Variants in LAMA2 observed in about 807,000 individuals in gnomAD.
The protein encoded by LAMA2 is laminin subunit alpha-2.
In LAMA2, 269 loss-of-function variants were observed where a neutral mutation model predicts 364.8. The observed-to-expected ratio is 0.74, with a 90% confidence interval of 0.67 to 0.82. The LOEUF is 0.82. Ranked by LOEUF, LAMA2 falls within the 40% of genes least tolerant of loss-of-function variation. The pLI is 0.00. For missense variants in LAMA2, 3,807 were observed against 3,873.2 expected, an observed-to-expected ratio of 0.98 and a Z score of 0.45; for synonymous variants, 1,379 against 1,370.6, an observed-to-expected ratio of 1.01 and a Z score of -0.14.
chr6:129,416,537 C>G, intron 40 of LAMA2, among the ~76,000 whole-genome samples: 1 of 152,094 alleles, frequency 6.6e-6, no homozygotes, highest in East Asian at 1.9e-4. Flanking sequence ...CTGGCCAGTT[C>G]CATCGCCCAG....
At position 129,297,685 on chromosome 6, in the gene LAMA2, G is replaced by C. The variant is rs757624702; in HGVS notation, c.2857G>C (p.Ala953Pro). 3.7e-6 allele frequency: 6 copies of C among 1,613,494 alleles called. No homozygotes were observed. Among genetic ancestry groups the C allele is most frequent in the South Asian group, 1.1e-5 (1 of 91,060 alleles). Residue 953 changes from alanine (A) to proline (P), a missense_variant and splice_region_variant, in exon 21 of 65, where the codon GCT (alanine) becomes CCT (proline). Ala to Pro is a conservative substitution (Grantham distance 27, BLOSUM62 -1). Around this residue, in one of 3 missense-constraint regions of LAMA2, gnomAD observed 3,333 missense variants for 3,345.7 expected, o/e 1.00. Transcript: ENST00000421865. Reference protein sequence around the residue: ...VQGQRCDKCKAGTFGLQSARG... With the variant: ...VQGQRCDKCKPGTFGLQSARG... Reference sequence around the variant, plus strand: ...TTTTTCTCTCCTCTTCCATTGCCAGGCTGGGACCTTTGGCCTACAATCAGC... The same window carrying C: ...TTTTTCTCTCCTCTTCCATTGCCAGCCTGGGACCTTTGGCCTACAATCAGC...
At chr6:128,922,017 G>A (rs922356603) in intron 1 of LAMA2, among the ~76,000 whole-genome samples, 1 of 151,894 alleles carries the variant, frequency 6.6e-6, no homozygotes, top group Non-Finnish European at 1.5e-5. Flanking sequence ...TTCATCCATG[G>A]CCCTACAAAG....
chr6:129,127,762 T>C (rs1777199932), intron 4 of LAMA2, among the ~76,000 whole-genome samples: 1 of 152,194 alleles, frequency 6.6e-6, no homozygotes. Context: ...ATTTCCCTAA[T>C]GATTAGTGAT....
At chr6:129,401,682 G>C (rs917369875) in intron 38 of LAMA2, among the ~76,000 whole-genome samples, 1 of 152,072 alleles carries the variant, frequency 6.6e-6, no homozygotes, top group Non-Finnish European at 1.5e-5. Context: ...TTACAAACAG[G>C]CTTTTAACAT....
intron 49 of LAMA2, among the ~76,000 whole-genome samples, chr6:129,462,758 G>A (rs957929806): frequency 4.6e-5 from 7 of 151,770 alleles, no homozygotes; most frequent in African/African-American, 1.7e-4. Flanking sequence ...TTGTTTGTTT[G>A]TTTGTTTATT....
intron 13 of LAMA2, among the ~76,000 whole-genome samples, chr6:129,250,498 T>G (rs184534127): frequency 6.7e-4 from 102 of 152,282 alleles, no homozygotes; most frequent in African/African-American, 2.5e-3. Flanking sequence ...TATGAAAGTG[T>G]TTAGGTACAT....
chr6:129,249,161 A>G (rs1158938221), intron 12 of LAMA2, among the ~76,000 whole-genome samples: 1 of 152,174 alleles, frequency 6.6e-6, no homozygotes, highest in Non-Finnish European at 1.5e-5. Context: ...CTGTCTGGTC[A>G]GGGTTGGACG....
chr6:128,910,740 GT>G (rs1448342352), intron 1 of LAMA2, among the ~76,000 whole-genome samples: 6 of 151,742 alleles, frequency 4.0e-5, no homozygotes, highest in African/African-American at 1.5e-4. Flanking sequence ...CAGTTTTTCT[GT>G]TCTGTTTTTT....
At chr6:129,065,132 A>C (rs953167598) in intron 3 of LAMA2, among the ~76,000 whole-genome samples, 1 of 152,222 alleles carries the variant, frequency 6.6e-6, no homozygotes, top group African/African-American at 2.4e-5. Flanking sequence ...GATACCTTAC[A>C]TTAGTAGAAT....
intron 29 of LAMA2, among the ~76,000 whole-genome samples, chr6:129,337,655 G>C (rs1776029347): frequency 4.6e-5 from 7 of 152,002 alleles, no homozygotes; most frequent in Admixed American, 4.6e-4. Context: ...TCTCACCTTA[G>C]GCCTGAGATA....
chr6:129,068,822 G>C (rs146205270), intron 3 of LAMA2, among the ~76,000 whole-genome samples: 4 of 152,264 alleles, frequency 2.6e-5, no homozygotes, highest in African/African-American at 7.2e-5. Flanking sequence ...TTGTAACAGA[G>C]AAGTCTGGGA....
At chr6:129,090,753 G>A (rs910998690) in intron 3 of LAMA2, among the ~76,000 whole-genome samples, 1 of 152,172 alleles carries the variant, frequency 6.6e-6, no homozygotes, top group African/African-American at 2.4e-5. Context: ...CCACTTTATA[G>A]ATTGTGCTAT....
intron 1 of LAMA2, among the ~76,000 whole-genome samples, chr6:128,940,559 AG>A (rs1399105152): frequency 6.6e-6 from 1 of 152,234 alleles, no homozygotes; most frequent in African/African-American, 2.4e-5. Flanking sequence ...GAGTGAATAA[AG>A]ATTATATCAT....
intron 18 of LAMA2, among the ~76,000 whole-genome samples, chr6:129,282,153 A>T (rs1788764234): frequency 6.6e-6 from 1 of 152,218 alleles, no homozygotes; most frequent in Admixed American, 6.5e-5. Flanking sequence ...CCTGGAATAA[A>T]GAATTCTGTG....
intron 1 of LAMA2, among the ~76,000 whole-genome samples, chr6:128,913,510 A>G (rs1354620656): frequency 2.6e-5 from 4 of 152,162 alleles, no homozygotes; most frequent in Admixed American, 2.6e-4. Flanking sequence ...TGACATTAAT[A>G]ATTGGTTTTA....
At chr6:129,168,495 G>A (rs1228827054) in intron 9 of LAMA2, among the ~76,000 whole-genome samples, 1 of 152,030 alleles carries the variant, frequency 6.6e-6, no homozygotes, top group Non-Finnish European at 1.5e-5. Flanking sequence ...CGTTATTTCT[G>A]AGGGCTCTGT....
intron 32 of LAMA2, among the ~76,000 whole-genome samples, chr6:129,362,689 G>A (rs1048662208): frequency 1.3e-5 from 2 of 152,286 alleles, no homozygotes; most frequent in African/African-American, 4.8e-5. Flanking sequence ...AAGTAATAAT[G>A]TAGCCCAAAC....
At chr6:129,023,629 C>T (rs537153651) in intron 1 of LAMA2, among the ~76,000 whole-genome samples, 1 of 152,202 alleles carries the variant, frequency 6.6e-6, no homozygotes, top group East Asian at 1.9e-4. Context: ...ATTGATTTTA[C>T]CTTCTTAATT....
chr6:128,962,455 G>C (rs1781594808), intron 1 of LAMA2, among the ~76,000 whole-genome samples: 1 of 151,818 alleles, frequency 6.6e-6, no homozygotes, highest in African/African-American at 2.4e-5. Context: ...ACGTTTAGAG[G>C]GTAGCTTAAG....
Sources: allele counts gnomAD v4.1 joint callset (sites outside exome capture counted in the v4.1 genomes callset), GRCh38; gene constraint gnomAD v4.1.1; regional missense constraint gnomAD v4.1.1; transcripts MANE v1.5; gene names NCBI Gene and HGNC (gene_info 2026-07-23, HGNC 2026-07-21).